Variants in LRRK2 observed in about 807,000 individuals in gnomAD.
The protein encoded by LRRK2 is leucine rich repeat kinase 2.
A neutral mutation model predicts 302.6 loss-of-function variants in LRRK2; 203 were observed. The observed-to-expected ratio is 0.67, with a 90% confidence interval of 0.60 to 0.75. LRRK2 has a LOEUF of 0.75. Among genes scored for constraint, LRRK2 ranks in the 30% least tolerant of loss-of-function variants. LRRK2 has a pLI of 0.00. For missense variants in LRRK2, 2,830 were observed against 2,951.0 expected (o/e 0.96, Z 0.95); for synonymous variants, 1,066 against 1,031.9 (o/e 1.03, Z -0.63).
intron 13 of LRRK2, among the ~76,000 whole-genome samples, chr12:40,262,542 G>A (rs748395329): frequency 2.0e-4 from 31 of 151,990 alleles, no homozygotes; most frequent in Non-Finnish European, 2.8e-4. Context: ...TTAAGGTATC[G>A]GGAGATGATG....
chr12:40,240,169 C>T (rs1023909478), intron 5 of LRRK2, among the ~76,000 whole-genome samples: 2 of 152,140 alleles, frequency 1.3e-5, no homozygotes, highest in African/African-American at 4.8e-5. Flanking sequence ...TAGTCACTGT[C>T]AGTTTTCTCT....
At chr12:40,309,331 G>A in intron 30 of LRRK2, 98 bp downstream of exon 30, 1 of 1,438,160 alleles carries the variant, frequency 7.0e-7, no homozygotes, top group Non-Finnish European at 9.4e-7. Context: ...GCAAACAATT[G>A]CTTCAGTCTC....
intron 43 of LRRK2, among the ~76,000 whole-genome samples, chr12:40,349,566 T>G (rs111722387): frequency 0.012 from 127 of 10,458 alleles, 1 homozygote; most frequent in African/African-American, 0.019. Flanking sequence ...CAGGCTGGAG[T>G]GCTGGAGTGC....
chr12:40,226,265 C>T (rs908986553), intron 2 of LRRK2, among the ~76,000 whole-genome samples: 3 of 151,994 alleles, frequency 2.0e-5, no homozygotes, highest in South Asian at 4.1e-4. Flanking sequence ...TGCTATGTAT[C>T]TTGGATTTTT....
intron 2 of LRRK2, among the ~76,000 whole-genome samples, chr12:40,225,893 A>G (rs938804406): frequency 1.4e-4 from 21 of 152,318 alleles, no homozygotes; most frequent in African/African-American, 5.1e-4. Flanking sequence ...ATGGTGGTAG[A>G]AGGAGGATAA....
intron 5 of LRRK2, 103 bp downstream of exon 5, chr12:40,238,206 T>C (rs771143793): frequency 1.4e-5 from 16 of 1,182,124 alleles, no homozygotes; most frequent in South Asian, 7.0e-5. Context: ...TCTAAAATCC[T>C]ACTATTTATT....
In LRRK2 at chr12:40,352,469, C is replaced by T. The variant is rs868537496; in HGVS notation, c.6576+736C>T. On this transcript the variant is annotated intron_variant, in intron 44 of 50. Coordinates refer to ENST00000298910, the MANE Select transcript of LRRK2 (RefSeq NM_198578.4). The stretch of plus-strand genomic sequence containing the variant: ...AACATTAGTTCTGAGGTTAAACAAT[C>T]TTTTTTTTTTAATTGATCATTCTTG... Among the ~76,000 whole-genome samples, 201 of 104,474 alleles carry T rather than the reference C, an allele frequency of 1.9e-3. 3 individuals are homozygous for T. Among genetic ancestry groups the T allele is most frequent in the Middle Eastern group, 0.013 (2 of 150 alleles). The allele number at this position is 104,474 out of a possible 152,430, so 68.5% of individuals were successfully genotyped here.
intron 35 of LRRK2, among the ~76,000 whole-genome samples, chr12:40,321,508 C>CA (rs11422410): frequency 0.57 from 85,902 of 151,558 alleles, 24,481 homozygotes; most frequent in South Asian, 0.69. Flanking sequence ...AAGACATTTA[C>CA]AAAAAAAGAG....
chr12:40,293,708 G>T, intron 21 of LRRK2, 45 bp downstream of exon 21: 2 of 1,318,142 alleles, frequency 1.5e-6, no homozygotes, highest in South Asian at 2.4e-5. Flanking sequence ...TTTTGCTGCT[G>T]ACATTCTCTT....
intron 25 of LRRK2, 43 bp from the exon 26 acceptor site, chr12:40,302,746 G>A (rs1252072570): frequency 7.6e-7 from 1 of 1,313,308 alleles, no homozygotes; most frequent in Non-Finnish European, 1.1e-6. Flanking sequence ...ATGGAAATCT[G>A]GTTAAAATGA....
intron 41 of LRRK2, among the ~76,000 whole-genome samples, chr12:40,342,540 G>A (rs910169674): frequency 9.0e-6 from 1 of 110,814 alleles, no homozygotes; most frequent in East Asian, 2.5e-4. Flanking sequence ...ATTTATTATT[G>A]TTAGAGCACT....
chr12:40,263,108 AT>A (rs1170958948), intron 13 of LRRK2, among the ~76,000 whole-genome samples: 1 of 152,178 alleles, frequency 6.6e-6, no homozygotes, highest in East Asian at 1.9e-4. Flanking sequence ...ATCATAAATG[AT>A]TTTTTATTAA....
At position 40,321,920 on chromosome 12, in the gene LRRK2, C is replaced by T. The variant is rs543935222; in HGVS notation, c.5171-115C>T. 2.8e-5 allele frequency: 29 copies of T among 1,019,242 alleles called. No individual in the cohort carries two copies. The South Asian group carries it at 3.5e-4, about 12-fold the overall frequency. The allele number at this position is 1,019,242 out of a possible 1,614,324, so 63.1% of individuals were successfully genotyped here. On this transcript the variant is annotated intron_variant, in intron 35 of 50. Transcript: ENST00000298910. ...GATGAGGACTCATATCAGTAACAAC[C>T]CAATACTTTATTTCAAAATGAATAG...
chr12:40,232,016 T>C (rs1941224659), intron 2 of LRRK2, among the ~76,000 whole-genome samples: 1 of 151,754 alleles, frequency 6.6e-6, no homozygotes, highest in African/African-American at 2.4e-5. Flanking sequence ...CTTGGCCACA[T>C]TGGTCTCAAA....
At chr12:40,249,790 G>A in intron 7 of LRRK2, 36 bp from the exon 8 acceptor site, 2 of 1,610,376 alleles carry the variant, frequency 1.2e-6, no homozygotes, top group African/African-American at 1.3e-5. Context: ...AACTTCCATG[G>A]ATGAGAATTC....
chr12:40,249,434 T>A (rs1030622404), intron 7 of LRRK2, among the ~76,000 whole-genome samples: 2 of 152,140 alleles, frequency 1.3e-5, no homozygotes, highest in East Asian at 3.9e-4. Context: ...GTAAAATGAT[T>A]TAATATTGGG....
At chr12:40,232,436 A>T in intron 3 of LRRK2, 53 bp downstream of exon 3, 1 of 1,229,024 alleles carries the variant, frequency 8.1e-7, no homozygotes, top group Non-Finnish European at 1.2e-6. Context: ...ATTTGTACAC[A>T]TGACAACCTT....
At chr12:40,347,439 A>G (rs1946219495) in intron 42 of LRRK2, among the ~76,000 whole-genome samples, 1 of 152,214 alleles carries the variant, frequency 6.6e-6, no homozygotes, top group Non-Finnish European at 1.5e-5. Flanking sequence ...TTTAGTTCTC[A>G]CCACAAAATA....
chr12:40,312,832 A>C (rs183809922), intron 31 of LRRK2: 4 of 152,160 alleles, frequency 2.6e-5, no homozygotes, highest in Admixed American at 1.3e-4. Flanking sequence ...GCCTTGGATT[A>C]AAACATAAAC....
Sources: allele counts gnomAD v4.1 joint callset (sites outside exome capture counted in the v4.1 genomes callset), GRCh38; gene constraint gnomAD v4.1.1; transcripts MANE v1.5; gene names NCBI Gene and HGNC (gene_info 2026-07-23, HGNC 2026-07-21).